TRAM1L1: variants seen among roughly 807,000 people sequenced by gnomAD.
TRAM1L1 encodes the protein translocating chain-associated membrane protein 1-like 1.
For synonymous variants in TRAM1L1, 189 were observed against 163.6 expected (o/e 1.16, Z -1.18); for missense variants, 451 against 439.9 (o/e 1.03, Z -0.23).
chr4:117,085,390 C>T lies in TRAM1L1; in HGVS notation c.4G>A (p.Gly2Arg). 1 of 1,604,432 alleles carries T rather than the reference C, an allele frequency of 6.2e-7. No individual in the cohort carries two copies. Among genetic ancestry groups the T allele is most frequent in the Admixed American group, 1.7e-5 (1 of 59,810 alleles). ...TTCTTGGTGCTCTTCTTACGGAGCC[C>T]CATGGTGGCGCTTCCCGGATACTCA... is the stretch of plus-strand genomic sequence containing the variant. M[G>R]LRKKSTKNPP... Residue 2 changes from glycine (G) to arginine (R), a missense_variant, in exon 1 of 1, where the codon GGG becomes AGG. Gly to Arg is a moderately radical substitution (Grantham distance 125). Transcript: ENST00000310754.
chr4:117,084,129 C>T lies in TRAM1L1; in HGVS notation c.*155G>A, dbSNP rs1578458260. ...TTTTTTTCCCATTCATAATAATCCT[C>T]CTCCCCTCAAATGTCTTTAAAAAAT... On this transcript the variant is annotated 3_prime_UTR_variant, in exon 1 of 1. Transcript: ENST00000310754. 3.1e-6 allele frequency: 2 copies of T among 654,828 alleles called. No individual in the cohort carries two copies. The highest frequency in any genetic ancestry group is 5.7e-5 in the East Asian group (2 of 35,394). The allele number at this position is 654,828 out of a possible 1,614,324, so 40.6% of individuals were successfully genotyped here. A position where few individuals can be genotyped will look rare whatever the true frequency, so the allele number is the denominator to read the frequency against.
In TRAM1L1 at chr4:117,083,823, A is replaced by T. The variant is rs1732392659; in HGVS notation, c.*461T>A. Reference sequence around the variant, plus strand: ...AGTTCTTAAAAAATAAATTCTAACAATTACAGAATACTGATTTGACTTCCA... The same window carrying T: ...AGTTCTTAAAAAATAAATTCTAACATTTACAGAATACTGATTTGACTTCCA... On this transcript the variant is annotated 3_prime_UTR_variant, in exon 1 of 1. Transcript: ENST00000310754. The T allele has an allele frequency of 6.5e-6, 1 of 153,392 alleles. No individual in the cohort carries two copies. The highest frequency in any genetic ancestry group is 6.5e-5 in the Admixed American group (1 of 15,300). 9.5% of individuals were successfully genotyped at this position (153,392 alleles called of 1,614,324 possible). A position where few individuals can be genotyped will look rare whatever the true frequency, so the allele number is the denominator to read the frequency against.
rs1732395541 is a variant in TRAM1L1, at chr4:117,083,901, G to A, written c.*383C>T. 1.2e-5 allele frequency: 2 copies of A among 167,628 alleles called. No individual in the cohort carries two copies. The highest frequency in any genetic ancestry group is 2.4e-5 in the African/African-American group (1 of 41,928). The allele number at this position is 167,628 out of a possible 1,614,324, so 10.4% of individuals were successfully genotyped here. A position where few individuals can be genotyped will look rare whatever the true frequency, so the allele number is the denominator to read the frequency against. On this transcript the variant is annotated 3_prime_UTR_variant, in exon 1 of 1. Transcript: ENST00000310754. Reference sequence around the variant, plus strand: ...AAGCAAGCATTAAACACATAATCTTGCTAGGAGAGACCATCTTGTTAGTAT... The same window carrying A: ...AAGCAAGCATTAAACACATAATCTTACTAGGAGAGACCATCTTGTTAGTAT...
In TRAM1L1 at chr4:117,083,569, T is replaced by C. The variant is rs1379456622; in HGVS notation, c.*715A>G. ...AAGTTCAATGTCCTTTTTAAAGTAA[T>C]ATTTAATTTCATGAATTCCCATTTA... On this transcript the variant is annotated 3_prime_UTR_variant, in exon 1 of 1. Transcript: ENST00000310754. 3 of 152,160 alleles carry C rather than the reference T, an allele frequency of 2.0e-5. No homozygotes were observed. Among genetic ancestry groups the C allele is most frequent in the Non-Finnish European group, 4.4e-5 (3 of 67,992 alleles). The allele number at this position is 152,160 out of a possible 1,614,324, so 9.4% of individuals were successfully genotyped here.
chr4:117,085,198 C>T lies in TRAM1L1; in HGVS notation c.196G>A (p.Ala66Thr). Reference protein sequence around the residue: ...SVAVPAAEEQATGSKSLYYYG... With the variant: ...SVAVPAAEEQTTGSKSLYYYG... ...TAATAGAGGGACTTTGAGCCCGTGG[C>T]TTGTTCCTCTGCTGCAGGGACAGCA... The change falls in exon 1 of 1, where the codon GCC becomes ACC. Residue 66 changes from alanine (A) to threonine (T), a missense_variant. Ala to Thr is a moderately conservative substitution (Grantham distance 58). Coordinates refer to ENST00000310754, the MANE Select transcript of TRAM1L1 (RefSeq NM_152402.3). The T allele has an allele frequency of 6.2e-7, 1 of 1,614,106 alleles. No homozygotes were observed. Among genetic ancestry groups the T allele is most frequent in the Non-Finnish European group, 8.5e-7 (1 of 1,180,016 alleles).
chr4:117,084,499 C>G lies in TRAM1L1; in HGVS notation c.895G>C (p.Ala299Pro). The change falls in exon 1 of 1, where the codon GCT (alanine) becomes CCT (proline). Residue 299 changes from alanine to proline, a missense_variant. Ala to Pro is a conservative substitution (Grantham distance 27). Transcript: ENST00000310754. ...ATCGTGCAACTGGACGACAGAACAGCAATTTTAGCTGCCAACACATTTACA... is the reference window on the plus strand; with the variant it reads ...ATCGTGCAACTGGACGACAGAACAGGAATTTTAGCTGCCAACACATTTACA... ...GNVNVLAAKIAVLSSSCTIQA... is the reference protein window; with the variant it reads ...GNVNVLAAKIPVLSSSCTIQA... The G allele has an allele frequency of 6.2e-7, 1 of 1,614,132 alleles. No individual in the cohort carries two copies. Among genetic ancestry groups the G allele is most frequent in the Non-Finnish European group, 8.5e-7 (1 of 1,180,036 alleles).
In TRAM1L1 at chr4:117,084,408, A is replaced by G; in HGVS notation, c.986T>C (p.Ile329Thr). 2 of 1,614,162 alleles carry G rather than the reference A, an allele frequency of 1.2e-6. No individual in the cohort carries two copies. The highest frequency in any genetic ancestry group is 1.7e-6 in the Non-Finnish European group (2 of 1,180,034). ...TTTCTTTTTCATACATGAGGCCTGA[A>G]TATTAGAATCTTCTACCCACCTCTG... ...WLQRWVEDSN[I>T]QASCMKKKRS... Residue 329 changes from isoleucine (I) to threonine (T), a missense_variant, in exon 1 of 1, where the codon ATT becomes ACT. Ile to Thr is a moderately conservative substitution (Grantham distance 89, BLOSUM62 -1). Transcript: ENST00000310754.
rs371924820 is a variant in TRAM1L1 at position 117,085,091 on chromosome 4, C to T, written c.303G>A (p.Val101=). 3.1e-6 allele frequency: 5 copies of T among 1,614,006 alleles called. No homozygotes were observed. In the African/African-American group the frequency reaches 6.7e-5, roughly 22 times the overall value. Residue 101 remains valine, a synonymous_variant, in exon 1 of 1, where the codon GTG becomes GTA. Coordinates refer to ENST00000310754, the MANE Select transcript of TRAM1L1 (RefSeq NM_152402.3). The part of the protein sequence containing the change: ...IIIHATIQEY[V]LDKINKRMQF... ...GCATTCTCTTGTTAATTTTATCCAA[C>T]ACATATTCCTGAATTGTGGCATGAA...
rs1732389062 is a variant in TRAM1L1, at chr4:117,083,588, C to T, written c.*696G>A. ...AAGTAATATTTAATTTCATGAATTC[C>T]CATTTACAAGTGGAATGGACAGGAA... is the stretch of plus-strand genomic sequence containing the variant. On this transcript the variant is annotated 3_prime_UTR_variant, in exon 1 of 1. Transcript: ENST00000310754. The T allele has an allele frequency of 6.6e-6, 1 of 151,944 alleles. No homozygotes were observed. Among genetic ancestry groups the T allele is most frequent in the Middle Eastern group, 3.4e-3 (1 of 294 alleles). The allele number at this position is 151,944 out of a possible 1,614,324, so 9.4% of individuals were successfully genotyped here.
chr4:117,084,776 G>A lies in TRAM1L1; in HGVS notation c.618C>T (p.His206=). 6.2e-7 allele frequency: 1 copy of A among 1,614,204 alleles called. No homozygotes were observed. Among genetic ancestry groups the A allele is most frequent in the Non-Finnish European group, 8.5e-7 (1 of 1,180,036 alleles). Residue 206 remains histidine (H), a synonymous_variant, in exon 1 of 1, where the codon CAC becomes CAT. Coordinates refer to ENST00000310754, the MANE Select transcript of TRAM1L1 (RefSeq NM_152402.3). The stretch of plus-strand genomic sequence containing the variant: ...AGTACAAGAGATAAGCTCCAGTAAT[G>A]TGGAAGAGGTGAAGACCAATGTAGA... ...QLVYIGLHLF[H]ITGAYLLYLN...
Position 117,084,251 on chromosome 4 carries a change from C to T in TRAM1L1, c.*33G>A. On this transcript the variant is annotated 3_prime_UTR_variant, in exon 1 of 1. Transcript: ENST00000310754. ...GAAAGAAACCTCAAAGAGCAGATTC[C>T]TTTGCAGACATTAATCAATGCGCTT... The T allele has an allele frequency of 1.3e-6, 2 of 1,554,252 alleles. No homozygotes were observed. Among genetic ancestry groups the T allele is most frequent in the South Asian group, 1.3e-5 (1 of 79,192 alleles).
chr4:117,084,752 GTACAAGAGATAA>G lies in TRAM1L1; in HGVS notation c.630_641del (p.Tyr211_Tyr214del). The G allele has an allele frequency of 6.2e-7, 1 of 1,614,156 alleles. No individual in the cohort carries two copies. Among genetic ancestry groups the G allele is most frequent in the East Asian group, 2.2e-5 (1 of 44,874 alleles). On this transcript the variant is annotated inframe_deletion, in exon 1 of 1. Coordinates refer to ENST00000310754, the MANE Select transcript of TRAM1L1 (RefSeq NM_152402.3). ...AAAGAAGAAGTCCCAAATGATTCAAGTACAAGAGATAAGCTCCAGTAATGTGGAAGAGGTGAA... is the reference window on the plus strand; with the variant it reads ...AAAGAAGAAGTCCCAAATGATTCAAGGCTCCAGTAATGTGGAAGAGGTGAA...
chr4:117,084,142 G>A lies in TRAM1L1; in HGVS notation c.*142C>T. Reference sequence around the variant, plus strand: ...CATAATAATCCTCCTCCCCTCAAATGTCTTTAAAAAATACATGAAACAGTT... The same window carrying A: ...CATAATAATCCTCCTCCCCTCAAATATCTTTAAAAAATACATGAAACAGTT... On this transcript the variant is annotated 3_prime_UTR_variant, in exon 1 of 1. Transcript: ENST00000310754. The A allele has an allele frequency of 1.2e-6, 1 of 812,374 alleles. No individual in the cohort carries two copies. The highest frequency in any genetic ancestry group is 1.8e-6 in the Non-Finnish European group (1 of 543,060). The allele number at this position is 812,374 out of a possible 1,614,324, so 50.3% of individuals were successfully genotyped here.
Position 117,085,452 on chromosome 4 carries a change from C to T in TRAM1L1, c.-59G>A, listed in dbSNP as rs1166577045. ...CAGCTGCCTCCCCCTGGCTGCTCCT[C>T]ACAGCGCCGCCGCCACGGTAGCAGC... On this transcript the variant is annotated 5_prime_UTR_variant, in exon 1 of 1. It removes the in-frame stop codon of an upstream open reading frame in the 5' UTR. Coordinates refer to ENST00000310754, the MANE Select transcript of TRAM1L1 (RefSeq NM_152402.3). 16 of 1,551,322 alleles carry T rather than the reference C, an allele frequency of 1.0e-5. No homozygotes were observed. Among genetic ancestry groups the T allele is most frequent in the African/African-American group, 1.4e-5 (1 of 73,406 alleles).
At position 117,084,381 on chromosome 4, in the gene TRAM1L1, C is replaced by T; in HGVS notation, c.1013G>A (p.Arg338Gln). 1.2e-6 allele frequency: 2 copies of T among 1,614,104 alleles called. No homozygotes were observed. Among genetic ancestry groups the T allele is most frequent in the Non-Finnish European group, 1.7e-6 (2 of 1,180,018 alleles). The change falls in exon 1 of 1, where the codon CGG becomes CAG. Residue 338 changes from arginine to glutamine, a missense_variant. Physicochemically the swap from Arg to Gln is conservative, Grantham distance 43. Coordinates refer to ENST00000310754, the MANE Select transcript of TRAM1L1 (RefSeq NM_152402.3). ...NIQASCMKKK[R>Q]SRSSKKRTEN... ...TGTTCTTTTTTTAGAAGATCTCGAC[C>T]GTTTCTTTTTCATACATGAGGCCTG...
rs1309813978 is a variant in TRAM1L1 at position 117,084,437 on chromosome 4, C to G, written c.957G>C (p.Trp319Cys). ...AYVTWNLITL[W>C]LQRWVEDSNI... ...TAGAATCTTCTACCCACCTCTGAAG[C>G]CAGAGAGTAATTAAGTTCCATGTTA... Residue 319 changes from tryptophan (W) to cysteine (C), a missense_variant, in exon 1 of 1, where the codon TGG becomes TGC. By Grantham distance (215) the Trp-to-Cys change is radical (BLOSUM62 -2). Transcript: ENST00000310754. The G allele has an allele frequency of 1.9e-6, 3 of 1,614,112 alleles. No homozygotes were observed. The highest frequency in any genetic ancestry group is 2.5e-6 in the Non-Finnish European group (3 of 1,180,052).
In TRAM1L1 at chr4:117,085,432, G is replaced by A; in HGVS notation, c.-39C>T. 6.3e-7 allele frequency: 1 copy of A among 1,576,846 alleles called. No individual in the cohort carries two copies. Among genetic ancestry groups the A allele is most frequent in the Non-Finnish European group, 8.6e-7 (1 of 1,158,296 alleles). Reference sequence around the variant, plus strand: ...GGATACTCACCGGCGAGCCGCAGCTGCCTCCCCCTGGCTGCTCCTCACAGC... The same window carrying A: ...GGATACTCACCGGCGAGCCGCAGCTACCTCCCCCTGGCTGCTCCTCACAGC... On this transcript the variant is annotated 5_prime_UTR_variant, in exon 1 of 1. Transcript: ENST00000310754.
In TRAM1L1 at chr4:117,084,752, G is replaced by A. The variant is rs138940045; in HGVS notation, c.642C>T (p.Tyr214=). ...LFHITGAYLL[Y]LNHLGLLLLV... The stretch of plus-strand genomic sequence containing the variant: ...AAAGAAGAAGTCCCAAATGATTCAA[G>A]TACAAGAGATAAGCTCCAGTAATGT... The change falls in exon 1 of 1, where the codon TAC becomes TAT. Residue 214 remains tyrosine (Y), a synonymous_variant. Coordinates refer to ENST00000310754, the MANE Select transcript of TRAM1L1 (RefSeq NM_152402.3). The A allele has an allele frequency of 5.0e-5, 81 of 1,614,156 alleles. No individual in the cohort carries two copies. Among genetic ancestry groups the A allele is most frequent in the Middle Eastern group, 4.9e-4 (3 of 6,062 alleles).
Position 117,084,346 on chromosome 4 carries a change from C to A in TRAM1L1, c.1048G>T (p.Val350Leu). The A allele has an allele frequency of 6.2e-7, 1 of 1,614,146 alleles. No individual in the cohort carries two copies. Among genetic ancestry groups the A allele is most frequent in the East Asian group, 2.2e-5 (1 of 44,866 alleles). Residue 350 changes from valine (V) to leucine (L), a missense_variant, in exon 1 of 1, where the codon GTG (valine) becomes TTG (leucine). Physicochemically the swap from Val to Leu is conservative, Grantham distance 32. Transcript: ENST00000310754. ...ACTCTATTTGAAGTTTCCACTCCCA[C>A]TCCGTTTTCTGTTCTTTTTTTAGAA... ...RSSKKRTENGVGVETSNRVDC... is the reference protein window; with the variant it reads ...RSSKKRTENGLGVETSNRVDC...
Sources: allele counts gnomAD v4.1 joint callset, GRCh38; gene constraint gnomAD v4.1.1; transcripts MANE v1.5; gene names NCBI Gene and HGNC (gene_info 2026-07-23, HGNC 2026-07-21).